Variants in JMJD4 observed in about 807,000 individuals in gnomAD.
JMJD4 encodes 2-oxoglutarate and iron-dependent oxygenase JMJD4.
Under a neutral mutation model 36.3 loss-of-function variants are expected in JMJD4, and 34 were observed. The observed-to-expected ratio is 0.94, with a 90% CI of 0.71 to 1.25. JMJD4 has a LOEUF of 1.25. Ranked by LOEUF, JMJD4 falls within the 50% of genes most tolerant of loss-of-function variation. JMJD4 has a pLI of 0.00. For missense variants in JMJD4, 584 were observed against 559.1 expected (o/e 1.04, Z -0.45); for synonymous variants, 269 against 235.3 (o/e 1.14, Z -1.31).
chr1:227,733,474 C>T lies in JMJD4; in HGVS notation c.762G>A (p.Thr254=), dbSNP rs766897994. 5.7e-6 allele frequency: 9 copies of T among 1,592,820 alleles called. No individual in the cohort carries two copies. The highest frequency in any genetic ancestry group is 7.7e-6 in the Non-Finnish European group (9 of 1,169,478). The change falls in exon 4 of 6, where the codon ACG becomes ACA. Residue 254 remains threonine (T), a synonymous_variant. Transcript: ENST00000620518. ...NQLAGPPLEI[T]QEAGEMVFVP... ...CAAACACCATCTCGCCCGCTTCCTG[C>T]GTGATCTCCAAGGGTGGGCCAGCAA... is the stretch of plus-strand genomic sequence containing the variant.
Position 227,732,883 on chromosome 1 carries a change from G to A in JMJD4, c.967C>T (p.Gln323Ter), listed in dbSNP as rs771252367. The A allele has an allele frequency of 2.8e-5, 45 of 1,612,492 alleles. No homozygotes were observed. Among genetic ancestry groups the A allele is most frequent in the Non-Finnish European group, 3.7e-5 (44 of 1,180,018 alleles). Residue 323 changes from glutamine (Q) to a stop codon, truncating the protein, a stop_gained and splice_region_variant, in exon 5 of 6, where the codon CAG becomes TAG. Coordinates refer to ENST00000620518, the MANE Select transcript of JMJD4 (RefSeq NM_023007.3). LOFTEE classifies it low-confidence loss of function (END_TRUNC). ...DSMPDWHHHC[Q>*]VIMRSCSGIN... The stretch of plus-strand genomic sequence containing the variant: ...GCCTCCATGCGTAGCCACCCCACCT[G>A]GCAGTGGTGGTGCCAGTCGGGCATG...
chr1:227,733,920 G>A lies in JMJD4; in HGVS notation c.541C>T (p.Pro181Ser), dbSNP rs765666881. ...VDDYRFVYAGPAGSWSPFHAD... is the reference protein window; with the variant it reads ...VDDYRFVYAGSAGSWSPFHAD... ...CCGTGGCCTCACCAGCTGCCCGCAG[G>A]CCCCGCGTAGACAAAGCGGTAGTCA... The change falls in exon 3 of 6, where the codon CCT becomes TCT. Residue 181 changes from proline to serine, a missense_variant. Pro to Ser is a moderately conservative substitution (Grantham distance 74). Coordinates refer to ENST00000620518, the MANE Select transcript of JMJD4 (RefSeq NM_023007.3). 111 of 1,613,574 alleles carry A rather than the reference G, an allele frequency of 6.9e-5. No individual in the cohort carries two copies. The highest frequency in any genetic ancestry group is 9.1e-5 in the Non-Finnish European group (107 of 1,179,970).
In JMJD4 at chr1:227,735,204, C is replaced by G. The variant is rs746254779; in HGVS notation, c.70G>C (p.Gly24Arg). The change falls in exon 1 of 6, where the codon GGC (glycine) becomes CGC (arginine). Residue 24 changes from glycine to arginine, a missense_variant. Transcript: ENST00000620518. Reference sequence around the variant, plus strand: ...AAGGCTACCCGGCCCGGAGCCTGGCCGACGCCGGGGACATCGACCCCCAGG... The same window carrying G: ...AAGGCTACCCGGCCCGGAGCCTGGCGGACGCCGGGGACATCGACCCCCAGG... ...RGLGVDVPGVGQAPGRVAFVS... is the reference protein window; with the variant it reads ...RGLGVDVPGVRQAPGRVAFVS... 5.7e-6 allele frequency: 9 copies of G among 1,583,502 alleles called. No homozygotes were observed. Among genetic ancestry groups the G allele is most frequent in the Admixed American group, 1.8e-5 (1 of 56,306 alleles).
chr1:227,734,194 G>T, intron 2 of JMJD4, 162 bp from the exon 3 acceptor site: 1 of 764,392 alleles, frequency 1.3e-6, no homozygotes. Context: ...CGCTGCTGGC[G>T]GGGGAGGGGG....
chr1:227,734,895 G>A, intron 1 of JMJD4, 79 bp from the exon 2 acceptor site: 1 of 1,572,424 alleles, frequency 6.4e-7, no homozygotes, highest in Non-Finnish European at 8.7e-7. Flanking sequence ...AACTCTCCAG[G>A]GGCCACGCGC....
rs575178410 is a variant in JMJD4, at chr1:227,735,254, G to C, written c.20C>G (p.Ala7Gly). Residue 7 changes from alanine to glycine, a missense_variant, in exon 1 of 6, where the codon GCC becomes GGC. Ala to Gly is a moderately conservative substitution (Grantham distance 60, BLOSUM62 0). Transcript: ENST00000620518. ...GCCTCGGAAGTGGCTGTCGGCGAGG[G>C]CGCGCGTCTCGCGGTCCATCCAGCT... MDRETR[A>G]LADSHFRGLG... The C allele has an allele frequency of 7.5e-5, 120 of 1,603,466 alleles. No individual in the cohort carries two copies. The highest frequency in any genetic ancestry group is 9.7e-5 in the Non-Finnish European group (114 of 1,175,974).
chr1:227,733,139 G>A (rs1390361130), intron 4 of JMJD4, 112 bp from the exon 5 acceptor site: 3 of 1,214,738 alleles, frequency 2.5e-6, no homozygotes, highest in Non-Finnish European at 3.5e-6. Context: ...GCAGCCAAGA[G>A]GGCCCTCCTG....
At chr1:227,733,727 G>A in intron 3 of JMJD4, 46 bp from the exon 4 acceptor site, 1 of 1,597,920 alleles carries the variant, frequency 6.3e-7, no homozygotes, top group East Asian at 2.2e-5. Flanking sequence ...GGGCTGGTAT[G>A]GGCTTTGCTT....
chr1:227,732,593 G>T lies in JMJD4; in HGVS notation c.1053C>A (p.Val351=). 1 of 1,613,464 alleles carries T rather than the reference G, an allele frequency of 6.2e-7. No homozygotes were observed. The highest frequency in any genetic ancestry group is 8.5e-7 in the Non-Finnish European group (1 of 1,180,040). ...CGTCCTCAGCGGCTGCCTCCCTCAG[G>T]ACCAGGAGCCTCTTCTCAGCGATGA... ...LKVIAEKRLL[V]LREAAAEDGA... The change falls in exon 6 of 6, where the codon GTC becomes GTA. Residue 351 remains valine (V), a synonymous_variant. Transcript: ENST00000620518.
rs779120288 is a variant in JMJD4, at chr1:227,733,027, C to A, written c.823G>T (p.Asp275Tyr). ...TTGTGGTTGATGGAGATGGTGTCAT[C>A]CTGGAAGGGGCACAGTGCAGGCAGG... ...SGWHHQVHNLDDTISINHNWV... is the reference protein window; with the variant it reads ...SGWHHQVHNLYDTISINHNWV... Residue 275 changes from aspartate to tyrosine, a missense_variant and splice_region_variant, in exon 5 of 6, where the codon GAT (aspartate) becomes TAT (tyrosine). Asp to Tyr is a radical substitution (Grantham distance 160). Transcript: ENST00000620518. 3.7e-6 allele frequency: 6 copies of A among 1,613,314 alleles called. No individual in the cohort carries two copies. The highest frequency in any genetic ancestry group is 3.3e-5 in the Admixed American group (2 of 60,006).
rs1660735814 is a variant in JMJD4, at chr1:227,732,600, A to G, written c.1046T>C (p.Leu349Pro). 6.2e-7 allele frequency: 1 copy of G among 1,613,488 alleles called. No homozygotes were observed. The highest frequency in any genetic ancestry group is 8.5e-7 in the Non-Finnish European group (1 of 1,180,034). Residue 349 changes from leucine (L) to proline (P), a missense_variant, in exon 6 of 6, where the codon CTC (leucine) becomes CCC (proline). Coordinates refer to ENST00000620518, the MANE Select transcript of JMJD4 (RefSeq NM_023007.3). Reference protein sequence around the residue: ...HFLKVIAEKRLLVLREAAAED... With the variant: ...HFLKVIAEKRPLVLREAAAED... ...AGCGGCTGCCTCCCTCAGGACCAGGAGCCTCTTCTCAGCGATGACCTTGAG... is the reference window on the plus strand; with the variant it reads ...AGCGGCTGCCTCCCTCAGGACCAGGGGCCTCTTCTCAGCGATGACCTTGAG...
At position 227,732,523 on chromosome 1, in the gene JMJD4, T is replaced by C. The variant is rs1245816707; in HGVS notation, c.1123A>G (p.Ile375Val). Residue 375 changes from isoleucine (I) to valine (V), a missense_variant, in exon 6 of 6, where the codon ATC becomes GTC. Physicochemically the swap from Ile to Val is conservative, Grantham distance 29. Transcript: ENST00000620518. Reference sequence around the variant, plus strand: ...ACCAAGGAGGCCAGCACCTCTGTGATGCGCCCAACATCAAAGGCTGCCTGT... The same window carrying C: ...ACCAAGGAGGCCAGCACCTCTGTGACGCGCCCAACATCAAAGGCTGCCTGT... ...FEQAAFDVGR[I>V]TEVLASLVAH... The C allele has an allele frequency of 3.1e-6, 5 of 1,613,390 alleles. No homozygotes were observed. Among genetic ancestry groups the C allele is most frequent in the Non-Finnish European group, 3.4e-6 (4 of 1,180,034 alleles).
rs1660975334 is a variant in JMJD4 at position 227,734,943 on chromosome 1, CG to C, written c.262+68del. On this transcript the variant is annotated intron_variant, in intron 1 of 5. Transcript: ENST00000620518. ...ACCCTCCCTGGTGCCCCTCTCTAGG[CG>C]GGGGCCTCCCGGGCCTGGGTCCCGC... is the stretch of plus-strand genomic sequence containing the variant. 5 of 1,497,600 alleles carry C rather than the reference CG, an allele frequency of 3.3e-6. No homozygotes were observed. In the African/African-American group the frequency reaches 4.2e-5, roughly 13 times the overall value. The allele number at this position is 1,497,600 out of a possible 1,614,324, so 92.8% of individuals were successfully genotyped here. A position where few individuals can be genotyped will look rare whatever the true frequency, so the allele number is the denominator to read the frequency against.
chr1:227,733,267 C>T, intron 4 of JMJD4, 147 bp downstream of exon 4: 1 of 930,726 alleles, frequency 1.1e-6, no homozygotes, highest in Non-Finnish European at 1.6e-6. Flanking sequence ...AGAGGCTAGG[C>T]CTCAGCGACA....
rs374345695 is a variant in JMJD4, at chr1:227,733,549, G to A, written c.687C>T (p.Asp229=). The A allele has an allele frequency of 6.8e-6, 11 of 1,606,282 alleles. No individual in the cohort carries two copies. Among genetic ancestry groups the A allele is most frequent in the East Asian group, 6.7e-5 (3 of 44,832 alleles). The stretch of plus-strand genomic sequence containing the variant: ...TGTCGCAGAGTGCTGGGGAGGTCAC[G>A]TCGTAGGGCAGGTTGCCGTGGCGGT... ...LRDRHGNLPY[D]VTSPALCDTH... The change falls in exon 4 of 6, where the codon GAC becomes GAT. Residue 229 remains aspartate (D), a synonymous_variant. Transcript: ENST00000620518.
chr1:227,732,548 T>C lies in JMJD4; in HGVS notation c.1098A>G (p.Glu366=). The C allele has an allele frequency of 6.2e-7, 1 of 1,613,364 alleles. No homozygotes were observed. The highest frequency in any genetic ancestry group is 2.2e-5 in the East Asian group (1 of 44,866). ...TGCGCCCAACATCAAAGGCTGCCTG[T>C]TCGAAACCCAACCCAGCACCGTCCT... The part of the protein sequence containing the change: ...AAEDGAGLGF[E]QAAFDVGRIT... The change falls in exon 6 of 6, where the codon GAA becomes GAG. Residue 366 remains glutamate (E), a synonymous_variant. Coordinates refer to ENST00000620518, the MANE Select transcript of JMJD4 (RefSeq NM_023007.3).
In JMJD4 at chr1:227,735,266, CG is replaced by C; in HGVS notation, c.7del (p.Arg3AlafsTer28). The C allele has an allele frequency of 6.2e-7, 1 of 1,605,342 alleles. No homozygotes were observed. Among genetic ancestry groups the C allele is most frequent in the African/African-American group, 1.3e-5 (1 of 74,734 alleles). On this transcript the variant is annotated frameshift_variant, in exon 1 of 6. Coordinates refer to ENST00000620518, the MANE Select transcript of JMJD4 (RefSeq NM_023007.3). LOFTEE classifies it high-confidence loss of function. MD[R>X]ETRALADSHF... ...GCTGTCGGCGAGGGCGCGCGTCTCGCGGTCCATCCAGCTCAGCACGGGTCGA... is the reference window on the plus strand; with the variant it reads ...GCTGTCGGCGAGGGCGCGCGTCTCGCGTCCATCCAGCTCAGCACGGGTCGA...
At position 227,732,971 on chromosome 1, in the gene JMJD4, CAT is replaced by C. The variant is rs533039741; in HGVS notation, c.877_878del (p.Met293ValfsTer42). The C allele has an allele frequency of 1.9e-4, 308 of 1,613,298 alleles. No homozygotes were observed. The highest frequency in any genetic ancestry group is 2.5e-4 in the Non-Finnish European group (295 of 1,180,032). ...ATAGCTCCTGCTGCAAGAAGCGCCA[CAT>C]GTTGGCCAGGTTGAAGCCATTGACC... The part of the protein sequence containing the change: ...NWVNGFNLAN[M>X]WRFLQQELCA... On this transcript the variant is annotated frameshift_variant, in exon 5 of 6. Transcript: ENST00000620518. LOFTEE classifies it high-confidence loss of function.
Position 227,731,538 on chromosome 1 carries a change from G to C in JMJD4, c.*854C>G, listed in dbSNP as rs146237193. 6.6e-6 allele frequency: 1 copy of C among 152,372 alleles called. No homozygotes were observed. The highest frequency in any genetic ancestry group is 1.9e-4 in the East Asian group (1 of 5,158). The allele number at this position is 152,372 out of a possible 1,614,324, so 9.4% of individuals were successfully genotyped here. A position where few individuals can be genotyped will look rare whatever the true frequency, so the allele number is the denominator to read the frequency against. ...GATCCACTAGAGGGTTCAGGCCTGG[G>C]GCATCCTCTGCAAGAGGATCCCACG... On this transcript the variant is annotated 3_prime_UTR_variant, in exon 6 of 6. Transcript: ENST00000620518.
Sources: allele counts gnomAD v4.1 joint callset, GRCh38; gene constraint gnomAD v4.1.1; transcripts MANE v1.5; gene names NCBI Gene and HGNC (gene_info 2026-07-23, HGNC 2026-07-21).